Variants in NEK10 observed in about 807,000 individuals in gnomAD.
The protein encoded by NEK10 is NIMA related kinase 10, also known as serine/threonine-protein kinase Nek10.
In NEK10, 122 loss-of-function variants were observed where a neutral mutation model predicts 159.8. The observed-to-expected ratio is 0.76, with a 90% CI of 0.66 to 0.89. The LOEUF is 0.89. Among genes scored for constraint, NEK10 ranks in the 40% least tolerant of loss-of-function variants. NEK10 has a pLI of 0.00. For synonymous variants in NEK10, 466 were observed against 457.1 expected, an observed-to-expected ratio of 1.02 and a Z score of -0.25; for missense variants, 1,342 against 1,323.1, an observed-to-expected ratio of 1.01 and a Z score of -0.22.
At chr3:27,204,304 T>G (rs996560621) in intron 23 of NEK10, among the ~76,000 whole-genome samples, 1,007 of 81,248 alleles carry the variant, frequency 0.012, 3 homozygotes, top group African/African-American at 0.019. Context: ...TGTTGTTGTT[T>G]TTTTTTTTTT....
At position 27,318,010 on chromosome 3, in the gene NEK10, A is replaced by G. The variant is rs1273860328; in HGVS notation, c.448-3672T>C. 3.3e-5 allele frequency among the ~76,000 whole-genome samples: 5 copies of G among 152,192 alleles called. No individual in the cohort carries two copies. In the East Asian group the frequency reaches 9.7e-4, roughly 30 times the overall value. On this transcript the variant is annotated intron_variant, in intron 6 of 35. Transcript: ENST00000691995. ...AGTAGAGACGGGGTTTCACCGTGTT[A>G]GCCAGGAAGGTCTCGATCTCCTGAC... is the stretch of plus-strand genomic sequence containing the variant.
chr3:27,368,315 C>T (rs1287519862), intron 1 of NEK10, among the ~76,000 whole-genome samples: 1 of 141,272 alleles, frequency 7.1e-6, no homozygotes. Context: ...TTTAGAAGGA[C>T]TCCATATATA....
At position 27,341,241 on chromosome 3, in the gene NEK10, G is replaced by A. The variant is rs9810627; in HGVS notation, c.362+3031C>T. Among the ~76,000 whole-genome samples, 483 of 152,230 alleles carry A rather than the reference G, an allele frequency of 3.2e-3. 4 individuals carry two copies. The highest frequency in any genetic ancestry group is 0.011 in the African/African-American group (448 of 41,550). ...GGGGGATAAACAGGTAGGTTAACGG[G>A]TACAAATGTATTGTTAGATGAAAGG... is the stretch of plus-strand genomic sequence containing the variant. On this transcript the variant is annotated intron_variant, in intron 5 of 35. Coordinates refer to ENST00000691995, the MANE Select transcript of NEK10 (RefSeq NM_001394966.1).
chr3:27,358,530 G>A (rs972087148), intron 1 of NEK10, among the ~76,000 whole-genome samples: 1 of 152,142 alleles, frequency 6.6e-6, no homozygotes, highest in Non-Finnish European at 1.5e-5. Flanking sequence ...CCCCTCATTT[G>A]CTCGTGATGT....
Position 27,309,150 on chromosome 3 carries a change from T to TTC in NEK10, c.637-146_637-145insGA, listed in dbSNP as rs2044480230. The TTC allele has an allele frequency of 9.7e-6, 5 of 513,800 alleles. 1 individual carries two copies. In the South Asian group the frequency reaches 1.6e-4, roughly 16 times the overall value. 31.8% of individuals were successfully genotyped at this position (513,800 alleles called of 1,614,324 possible). ...AGATCATATAGGCTTAACTGTTTTT[T>TTC]TTTTTTGCTTAGTAGTTTATAATGT... On this transcript the variant is annotated intron_variant, in intron 9 of 35. Coordinates refer to ENST00000691995, the MANE Select transcript of NEK10 (RefSeq NM_001394966.1).
At chr3:27,239,504 A>G (rs1411150415) in intron 23 of NEK10, among the ~76,000 whole-genome samples, 1 of 152,216 alleles carries the variant, frequency 6.6e-6, no homozygotes, top group East Asian at 1.9e-4. Flanking sequence ...TTGCTTCATC[A>G]GTCCTGAAGT....
At chr3:27,182,619 A>C (rs62255214) in intron 26 of NEK10, among the ~76,000 whole-genome samples, 3,618 of 152,236 alleles carry the variant, frequency 0.024, 65 homozygotes, top group Non-Finnish European at 0.031. Context: ...AAAAGAAATA[A>C]GTATGTTGAA....
At position 27,296,419 on chromosome 3, in the gene NEK10, G is replaced by C. The variant is rs151115130; in HGVS notation, c.1231-729C>G. Among the ~76,000 whole-genome samples, 700 of 152,144 alleles carry C rather than the reference G, an allele frequency of 4.6e-3. 3 individuals carry two copies. Among genetic ancestry groups the C allele is most frequent in the Non-Finnish European group, 7.0e-3 (473 of 67,990 alleles). On this transcript the variant is annotated intron_variant, in intron 14 of 35. Coordinates refer to ENST00000691995, the MANE Select transcript of NEK10 (RefSeq NM_001394966.1). ...AATTCCAGGAATTGAACCTCAATCTGGCCAACTTCAGATGCCCTGTTCTAT... is the reference window on the plus strand; with the variant it reads ...AATTCCAGGAATTGAACCTCAATCTCGCCAACTTCAGATGCCCTGTTCTAT...
rs182832322 is a variant in NEK10 at position 27,107,058 on chromosome 3, G to A, written c.*4214C>T. 1.3e-4 allele frequency among the ~76,000 whole-genome samples: 20 copies of A among 152,010 alleles called. No individual in the cohort carries two copies. In the East Asian group the frequency reaches 2.7e-3, roughly 21 times the overall value. On this transcript the variant is annotated 3_prime_UTR_variant, in exon 36 of 36. Transcript: ENST00000691995. ...AAGACTACAGTTCATTTACTTTTAG[G>A]ATAAAGCAATGAACTGTATCTTAAA...
chr3:27,146,556 T>G (rs1944316823), intron 30 of NEK10, among the ~76,000 whole-genome samples: 1 of 152,180 alleles, frequency 6.6e-6, no homozygotes. Flanking sequence ...ACAATACAAA[T>G]TTACTCTCAC....
intron 23 of NEK10, among the ~76,000 whole-genome samples, chr3:27,254,628 CGGA>C (rs374364949): frequency 0.23 from 35,210 of 151,734 alleles, 4,429 homozygotes; most frequent in Middle Eastern, 0.37. Flanking sequence ...TCTAATAACT[CGGA>C]GAGATGAGAG....
chr3:27,338,754 G>T (rs1014479047), intron 5 of NEK10, among the ~76,000 whole-genome samples: 2 of 152,120 alleles, frequency 1.3e-5, no homozygotes, highest in African/African-American at 4.8e-5. Context: ...CATATCCTTT[G>T]CCCTCTTTTT....
intron 23 of NEK10, among the ~76,000 whole-genome samples, chr3:27,218,604 C>CAAAAA (rs534568582): frequency 1.5e-5 from 1 of 67,432 alleles, no homozygotes; most frequent in Non-Finnish European, 2.8e-5. Context: ...GTCTCCATCT[C>CAAAAA]AAAAAAAAAA....
chr3:27,124,497 C>G (rs1941712249), intron 32 of NEK10, among the ~76,000 whole-genome samples: 1 of 152,136 alleles, frequency 6.6e-6, no homozygotes, highest in African/African-American at 2.4e-5. Flanking sequence ...AGTATTACCC[C>G]CTTTTACAAA....
intron 1 of NEK10, among the ~76,000 whole-genome samples, chr3:27,356,125 C>A (rs1273740218): frequency 6.6e-6 from 1 of 152,092 alleles, no homozygotes; most frequent in Non-Finnish European, 1.5e-5. Context: ...TTCAAGCCTC[C>A]ATCTTGGAAG....
intron 6 of NEK10, among the ~76,000 whole-genome samples, chr3:27,316,496 G>GA (rs934001563): frequency 6.6e-6 from 1 of 151,982 alleles, no homozygotes; most frequent in South Asian, 2.1e-4. Flanking sequence ...AGGCCCAGGT[G>GA]AAAAAAATAC....
At chr3:27,138,547 C>T (rs1943456983) in intron 31 of NEK10, among the ~76,000 whole-genome samples, 1 of 152,148 alleles carries the variant, frequency 6.6e-6, no homozygotes, top group Non-Finnish European at 1.5e-5. Context: ...TCTTCCCCTC[C>T]CTAGTAGATA....
chr3:27,316,790 G>GAAAAAAAAAAGAAAGAAGA (rs11403692), intron 6 of NEK10, among the ~76,000 whole-genome samples: 1 of 150,074 alleles, frequency 6.7e-6, no homozygotes, highest in Non-Finnish European at 1.5e-5. Flanking sequence ...AAAGAAAAAA[G>GAAAAAAAAAAGAAAGAAGA]AAAAAAAAAG....
chr3:27,184,351 G>A (rs1482973817), intron 26 of NEK10, among the ~76,000 whole-genome samples: 3 of 152,172 alleles, frequency 2.0e-5, no homozygotes, highest in Non-Finnish European at 2.9e-5. Flanking sequence ...TTTAAATGAA[G>A]TCAAACAACA....
Sources: allele counts gnomAD v4.1 joint callset (sites outside exome capture counted in the v4.1 genomes callset), GRCh38; gene constraint gnomAD v4.1.1; transcripts MANE v1.5; gene names NCBI Gene and HGNC (gene_info 2026-07-23, HGNC 2026-07-21).